RTTN: variants seen among roughly 807,000 people sequenced by gnomAD.
The protein encoded by RTTN is rotatin.
A neutral mutation model predicts 269.2 loss-of-function variants in RTTN; 182 were observed. The observed-to-expected ratio is 0.68, with a 90% confidence interval of 0.60 to 0.76. The LOEUF is 0.76. Among genes scored for constraint, RTTN ranks in the 30% least tolerant of loss-of-function variants. The pLI is 0.00. For missense variants in RTTN, 2,545 were observed against 2,608.6 expected (o/e 0.98, Z 0.53); for synonymous variants, 1,006 against 963.5 (o/e 1.04, Z -0.82).
chr18:70,097,050 A>G (rs1841028082), intron 28 of RTTN, among the ~76,000 whole-genome samples: 1 of 152,242 alleles, frequency 6.6e-6, no homozygotes, highest in Non-Finnish European at 1.5e-5. Context: ...ATTCTAGCTT[A>G]TAAATGACAA....
chr18:70,019,638 T>C (rs1446845042), intron 45 of RTTN: 1 of 152,220 alleles, frequency 6.6e-6, no homozygotes, highest in Non-Finnish European at 1.5e-5. Flanking sequence ...ATATGCCCAC[T>C]GTGGCTGATT....
chr18:70,037,286 C>G (rs1173518103), intron 40 of RTTN, among the ~76,000 whole-genome samples: 1 of 152,232 alleles, frequency 6.6e-6, no homozygotes, highest in Non-Finnish European at 1.5e-5. Context: ...AGGGAGACAA[C>G]AGCCAGGGCA....
rs541296966 is a variant in RTTN, at chr18:70,145,362, C to T, written c.2481+250G>A. 2.6e-5 allele frequency among the ~76,000 whole-genome samples: 4 copies of T among 152,230 alleles called. No homozygotes were observed. The South Asian group carries it at 8.3e-4, about 32-fold the overall frequency. On this transcript the variant is annotated intron_variant, in intron 18 of 48. Transcript: ENST00000640769. ...GCACTTGAATCATCCCAAAACAATA[C>T]TCCTGCCCTGATCCATGGAAAAATT...
At chr18:70,010,121 C>A (rs141157048) in intron 46 of RTTN, among the ~76,000 whole-genome samples, 3 of 152,252 alleles carry the variant, frequency 2.0e-5, no homozygotes, top group East Asian at 3.9e-4. Context: ...GACTTAGACT[C>A]GCACACAATA....
intron 26 of RTTN, among the ~76,000 whole-genome samples, chr18:70,120,361 G>T (rs1181244833): frequency 1.3e-5 from 2 of 152,036 alleles, no homozygotes; most frequent in Non-Finnish European, 2.9e-5. Context: ...AAAAACAACA[G>T]AAAACAGCCT....
intron 2 of RTTN, 69 bp from the exon 3 acceptor site, chr18:70,204,332 C>A: frequency 7.1e-7 from 1 of 1,416,888 alleles, no homozygotes; most frequent in Admixed American, 2.3e-5. Context: ...GCAATCAAAA[C>A]ATAAAATTAT....
chr18:70,136,656 A>C (rs771321221), intron 21 of RTTN, among the ~76,000 whole-genome samples: 5 of 152,020 alleles, frequency 3.3e-5, no homozygotes, highest in Admixed American at 2.6e-4. Context: ...TATAAGATTA[A>C]AAAAAATTAA....
intron 37 of RTTN, 39 bp from the exon 38 acceptor site, chr18:70,054,323 T>A: frequency 6.4e-7 from 1 of 1,555,536 alleles, no homozygotes; most frequent in South Asian, 1.2e-5. Flanking sequence ...AAACATGCCA[T>A]ATAAAAAGCC....
intron 14 of RTTN, among the ~76,000 whole-genome samples, chr18:70,156,720 A>G (rs1305407326): frequency 6.6e-6 from 1 of 151,864 alleles, no homozygotes; most frequent in Non-Finnish European, 1.5e-5. Flanking sequence ...CTGTCCCTTT[A>G]TTTCCCAACC....
At chr18:70,009,562 C>T (rs558627656) in intron 46 of RTTN, among the ~76,000 whole-genome samples, 1 of 152,266 alleles carries the variant, frequency 6.6e-6, no homozygotes, top group East Asian at 1.9e-4. Flanking sequence ...CCCTACCTTA[C>T]AAGAGCTCCT....
chr18:70,132,074 T>C (rs958847720), intron 23 of RTTN: 3 of 152,040 alleles, frequency 2.0e-5, no homozygotes, highest in Non-Finnish European at 4.4e-5. Context: ...GTGAATTCTA[T>C]ATGATGAAGC....
intron 34 of RTTN, among the ~76,000 whole-genome samples, chr18:70,068,630 G>GA (rs1466385791): frequency 6.6e-6 from 1 of 152,190 alleles, no homozygotes; most frequent in Non-Finnish European, 1.5e-5. Flanking sequence ...TTAGTCTGCT[G>GA]AAGTCATCCG....
chr18:70,030,230 G>T, intron 41 of RTTN, 121 bp from the exon 42 acceptor site: 1 of 628,028 alleles, frequency 1.6e-6, no homozygotes, highest in South Asian at 2.4e-5. Context: ...CTTCATTTTA[G>T]AATTTTCAGT....
At chr18:70,190,444 A>G in intron 9 of RTTN, 94 bp downstream of exon 9, 2 of 753,880 alleles carry the variant, frequency 2.7e-6, no homozygotes, top group Non-Finnish European at 4.2e-6. Context: ...CAGATTCCAA[A>G]GGCCCTAACA....
At chr18:70,029,888 A>G in intron 42 of RTTN, 124 bp downstream of exon 42, 1 of 662,572 alleles carries the variant, frequency 1.5e-6, no homozygotes, top group South Asian at 2.1e-5. Flanking sequence ...AAGTCTCATT[A>G]ATTTATCCAT....
intron 18 of RTTN, among the ~76,000 whole-genome samples, chr18:70,143,336 G>A (rs2060307511): frequency 6.6e-6 from 1 of 152,062 alleles, no homozygotes; most frequent in African/African-American, 2.4e-5. Context: ...CAAACACATG[G>A]AATCAACCTA....
In RTTN at chr18:70,205,679, C is replaced by T; in HGVS notation, c.-21G>A. On this transcript the variant is annotated 5_prime_UTR_variant, in exon 1 of 49. Transcript: ENST00000640769. The stretch of plus-strand genomic sequence containing the variant: ...ACCATCTCGTCCCGTCAATCTGCAG[C>T]CGCCGGAGAATTAAACTGCCGCGCC... The T allele has an allele frequency of 3.1e-6, 5 of 1,614,028 alleles. No individual in the cohort carries two copies. Among genetic ancestry groups the T allele is most frequent in the Non-Finnish European group, 4.2e-6 (5 of 1,179,946 alleles).
At chr18:70,060,973 G>A (rs1222339942) in intron 35 of RTTN, among the ~76,000 whole-genome samples, 1 of 151,492 alleles carries the variant, frequency 6.6e-6, no homozygotes, top group East Asian at 1.9e-4. Context: ...TACATATATG[G>A]TTCATTTTCT....
chr18:70,163,270 T>C (rs968423780), intron 14 of RTTN, among the ~76,000 whole-genome samples: 3 of 151,484 alleles, frequency 2.0e-5, no homozygotes, highest in African/African-American at 7.3e-5. Flanking sequence ...TAGTCCCAGC[T>C]ACTTGGGAGG....
Sources: allele counts gnomAD v4.1 joint callset (sites outside exome capture counted in the v4.1 genomes callset), GRCh38; gene constraint gnomAD v4.1.1; transcripts MANE v1.5; gene names NCBI Gene and HGNC (gene_info 2026-07-23, HGNC 2026-07-21).